GOLGA8A: variants seen among roughly 807,000 people sequenced by gnomAD.
GOLGA8A encodes golgin A8 family member A.
A neutral mutation model predicts 22.1 loss-of-function variants in GOLGA8A; 3 were observed. The ratio of observed to expected loss-of-function variants is 0.14; its 90% CI spans 0.06 to 0.35. The LOEUF (loss-of-function observed/expected upper bound fraction) is 0.35. GOLGA8A is among the 10% of genes least tolerant of loss of function. The pLI, the probability that GOLGA8A is intolerant of heterozygous loss-of-function variation, is 1.00. For missense variants in GOLGA8A, 16 were observed against 233.2 expected (o/e 0.07, Z 6.07); for synonymous variants, 7 against 91.7 (o/e 0.08, Z 5.28).
At chr15:34,433,001 G>C (rs1420978092) in intron 2 of GOLGA8A, among the ~76,000 whole-genome samples, 2 of 149,244 alleles carry the variant, frequency 1.3e-5, no homozygotes, top group African/African-American at 4.9e-5. Context: ...CGCGGGTATT[G>C]CAGATGCTGA....
rs1338231370 is a variant in GOLGA8A, at chr15:34,437,402, C to T, written c.-1216G>A. ...AGCCGAGGTTCCCCAGCTTACCTGG[C>T]CAGGGCGCGGGGCTGCCCCGGTCCG... On this transcript the variant is annotated 5_prime_UTR_variant, in exon 1 of 25. Coordinates refer to ENST00000359187, the MANE Select transcript of GOLGA8A (RefSeq NM_181077.5). 3.0e-4 allele frequency: 43 copies of T among 141,696 alleles called. 3 individuals carry two copies. The highest frequency in any genetic ancestry group is 6.3e-4 in the Admixed American group (9 of 14,204). 8.8% of individuals were successfully genotyped at this position (141,696 alleles called of 1,614,324 possible).
chr15:34,410,308 CAGG>C, intron 2 of GOLGA8A: 1 of 92,780 alleles, frequency 1.1e-5, no homozygotes. Context: ...CCTGGAGGAC[CAGG>C]AGGAGGACAT....
intron 2 of GOLGA8A, among the ~76,000 whole-genome samples, chr15:34,433,901 T>C (rs1208709588): frequency 6.7e-6 from 1 of 149,186 alleles, no homozygotes; most frequent in African/African-American, 2.5e-5. Context: ...CGCTAATTTA[T>C]GTAGGGCTGT....
intron 1 of GOLGA8A, among the ~76,000 whole-genome samples, chr15:34,436,445 A>G (rs977174121): frequency 8.7e-5 from 13 of 149,544 alleles, no homozygotes; most frequent in African/African-American, 3.2e-4. Context: ...TCAACCACAG[A>G]TTTACGTCTG....
chr15:34,404,579 C>G (rs1237498599), intron 5 of GOLGA8A, among the ~76,000 whole-genome samples: 2 of 139,138 alleles, frequency 1.4e-5, no homozygotes, highest in Admixed American at 7.3e-5. Flanking sequence ...TCAAGACCAG[C>G]ATGATCAACA....
chr15:34,435,587 G>A (rs974828063), intron 1 of GOLGA8A, 116 bp from the exon 2 acceptor site: 3 of 148,906 alleles, frequency 2.0e-5, no homozygotes, highest in African/African-American at 7.5e-5. Context: ...CAAGGTGCAA[G>A]AGAATGAGGA....
chr15:34,434,658 C>T (rs1000712305), intron 2 of GOLGA8A, among the ~76,000 whole-genome samples: 1 of 149,064 alleles, frequency 6.7e-6, no homozygotes, highest in Admixed American at 6.8e-5. Flanking sequence ...TGTGGGCGCT[C>T]GGGCCAACCA....
chr15:34,431,436 G>C (rs1434983732), intron 2 of GOLGA8A, among the ~76,000 whole-genome samples: 1 of 146,196 alleles, frequency 6.8e-6, no homozygotes, highest in African/African-American at 2.5e-5. Context: ...TAACGACAGG[G>C]ATGTATTCTG....
intron 1 of GOLGA8A, among the ~76,000 whole-genome samples, chr15:34,435,851 C>T (rs1231542492): frequency 1.3e-5 from 2 of 149,264 alleles, no homozygotes; most frequent in Admixed American, 6.8e-5. Context: ...CCGAGGGCTG[C>T]CAGCACACAG....
rs1158771021 is a variant in GOLGA8A at position 34,431,012 on chromosome 15, A to T, written c.-1123+4371T>A. Among the ~76,000 whole-genome samples, 16 of 148,606 alleles carry T rather than the reference A, an allele frequency of 1.1e-4. 1 individual carries two copies. The highest frequency in any genetic ancestry group is 9.6e-4 in the Admixed American group (14 of 14,648). The stretch of plus-strand genomic sequence containing the variant: ...TTACACCAAAAGACTGAGAAACAGA[A>T]ACTGTGTTTTAATTGTACAATGCAC... On this transcript the variant is annotated intron_variant, in intron 2 of 24. Coordinates refer to ENST00000359187, the MANE Select transcript of GOLGA8A (RefSeq NM_181077.5).
At chr15:34,421,276 C>T (rs1188844680) in intron 2 of GOLGA8A, among the ~76,000 whole-genome samples, 3 of 143,012 alleles carry the variant, frequency 2.1e-5, no homozygotes, top group South Asian at 2.6e-4. Flanking sequence ...ACAAGAAAAT[C>T]GGCTATTGTG....
At chr15:34,426,301 C>T (rs956438576) in intron 2 of GOLGA8A, among the ~76,000 whole-genome samples, 4 of 149,584 alleles carry the variant, frequency 2.7e-5, no homozygotes, top group Non-Finnish European at 4.5e-5. Flanking sequence ...AGCTGGTGAG[C>T]GGATCGAACT....
Position 34,436,568 on chromosome 15 carries a change from G to A in GOLGA8A, c.-1212+830C>T, listed in dbSNP as rs1201792511. On this transcript the variant is annotated intron_variant, in intron 1 of 24. Transcript: ENST00000359187. The stretch of plus-strand genomic sequence containing the variant: ...CTAAGGCTCTGCTCTCCACTGGGGT[G>A]CTGCAGGACAGGCCCCTCCGCGGGC... 1.3e-5 allele frequency among the ~76,000 whole-genome samples: 2 copies of A among 150,148 alleles called. 1 individual carries two copies. Among genetic ancestry groups the A allele is most frequent in the Non-Finnish European group, 3.0e-5 (2 of 67,332 alleles).
At chr15:34,421,529 G>A (rs138582144) in intron 2 of GOLGA8A, among the ~76,000 whole-genome samples, 5,889 of 134,778 alleles carry the variant, frequency 0.044, 604 homozygotes, top group African/African-American at 0.16. Context: ...AAAAGTTAAC[G>A]TACAGATTAC....
intron 2 of GOLGA8A, among the ~76,000 whole-genome samples, chr15:34,427,656 A>G (rs1350655431): frequency 8.3e-5 from 12 of 144,914 alleles, no homozygotes; most frequent in Non-Finnish European, 1.5e-5. Flanking sequence ...GCAGCCTGCC[A>G]GCCATCGGAC....
rs1174010693 is a variant in GOLGA8A, at chr15:34,434,150, G to A, written c.-1123+1233C>T. Among the ~76,000 whole-genome samples, 10 of 149,726 alleles carry A rather than the reference G, an allele frequency of 6.7e-5. 1 individual carries two copies. The South Asian group carries it at 8.5e-4, about 13-fold the overall frequency. On this transcript the variant is annotated intron_variant, in intron 2 of 24. Transcript: ENST00000359187. ...CAGGGCAGATCTGGGCAATGAGCCT[G>A]TCTGCCTGGAGCCAGGAGAGCCTGG...
chr15:34,422,856 G>C lies in GOLGA8A; in HGVS notation c.-1123+12527C>G, dbSNP rs1240882830. Among the ~76,000 whole-genome samples the C allele has an allele frequency of 1.8e-5, 2 of 109,474 alleles. 1 individual carries two copies. Among genetic ancestry groups the C allele is most frequent in the African/African-American group, 5.8e-5 (2 of 34,746 alleles). The allele number at this position is 109,474 out of a possible 152,430, so 71.8% of individuals were successfully genotyped here. On this transcript the variant is annotated intron_variant, in intron 2 of 24. Coordinates refer to ENST00000359187, the MANE Select transcript of GOLGA8A (RefSeq NM_181077.5). ...GCCAACCCTCCAACCAAGGTGTCTA[G>C]GAGCCACAGGGAAGAGCGGGTTCTC... is the stretch of plus-strand genomic sequence containing the variant.
chr15:34,402,988 T>TAA (rs142815535), intron 5 of GOLGA8A, among the ~76,000 whole-genome samples: 1 of 83,796 alleles, frequency 1.2e-5, no homozygotes, highest in African/African-American at 5.4e-5. Flanking sequence ...TTTCAAGAAG[T>TAA]AAAAAAAAAA....
rs1199861395 is a variant in GOLGA8A, at chr15:34,437,727, G to C, written c.-1541C>G. Among the ~76,000 whole-genome samples, 1 of 145,404 alleles carries C rather than the reference G, an allele frequency of 6.9e-6. No homozygotes were observed. Among genetic ancestry groups the C allele is most frequent in the African/African-American group, 2.5e-5 (1 of 39,530 alleles). On this transcript the variant is annotated 5_prime_UTR_variant, in exon 1 of 25. Coordinates refer to ENST00000359187, the MANE Select transcript of GOLGA8A (RefSeq NM_181077.5). ...GCCGTCCTCGCCGCGCCGCTGCCGG[G>C]TCTCTCCCGGGGGCTGAGCTCCCGC... is the stretch of plus-strand genomic sequence containing the variant.
Sources: allele counts gnomAD v4.1 joint callset (sites outside exome capture counted in the v4.1 genomes callset), GRCh38; gene constraint gnomAD v4.1.1; transcripts MANE v1.5; gene names NCBI Gene and HGNC (gene_info 2026-07-23, HGNC 2026-07-21).